Variants in SEMA4D observed in about 807,000 individuals in gnomAD.
SEMA4D encodes semaphorin 4D.
Under a neutral mutation model 74.8 loss-of-function variants are expected in SEMA4D, and 22 were observed. That is an observed-to-expected ratio of 0.29 (90% CI 0.21 to 0.42). The LOEUF (loss-of-function observed/expected upper bound fraction) is 0.42. Ranked by LOEUF, SEMA4D falls within the 10% of genes least tolerant of loss-of-function variation. The pLI is 1.00. For synonymous variants in SEMA4D, 445 were observed against 463.7 expected (o/e 0.96, Z 0.52); for missense variants, 937 against 1,118.4 (o/e 0.84, Z 2.31).
chr9:89,482,166 C>T (rs1345976904), intron 1 of SEMA4D, among the ~76,000 whole-genome samples: 2 of 152,208 alleles, frequency 1.3e-5, no homozygotes, highest in African/African-American at 2.4e-5. Context: ...GCGGTCAGAG[C>T]ACTTGCAATG....
chr9:89,370,155 G>C (rs967479064), intron 16 of SEMA4D, among the ~76,000 whole-genome samples: 1 of 151,422 alleles, frequency 6.6e-6, no homozygotes, highest in African/African-American at 2.4e-5. Context: ...TGTGCAGTGA[G>C]TATGCATGGT....
intron 1 of SEMA4D, among the ~76,000 whole-genome samples, chr9:89,464,274 AC>A (rs1408390287): frequency 5.9e-5 from 9 of 152,222 alleles, no homozygotes; most frequent in Non-Finnish European, 1.0e-4. Context: ...GAATTATTTC[AC>A]CAAGATGCTA....
At chr9:89,419,787 C>T (rs902508898) in intron 2 of SEMA4D, among the ~76,000 whole-genome samples, 7 of 151,812 alleles carry the variant, frequency 4.6e-5, no homozygotes, top group Non-Finnish European at 8.8e-5. Context: ...TGTGGTGGTG[C>T]GCACCTGTCA....
chr9:89,388,888 G>C lies in SEMA4D; in HGVS notation c.934C>G (p.Leu312Val). 1 of 1,614,172 alleles carries C rather than the reference G, an allele frequency of 6.2e-7. No homozygotes were observed. Among genetic ancestry groups the C allele is most frequent in the Non-Finnish European group, 8.5e-7 (1 of 1,180,032 alleles). ...PGLKVPVFYA[L>V]FTPQLNNVGL... ...GGCACTTACAGCTGTGGGGTGAAGA[G>C]TGCATAGAACACAGGCACCTTCAGG... is the stretch of plus-strand genomic sequence containing the variant. Residue 312 changes from leucine (L) to valine (V), a missense_variant, in exon 10 of 16, where the codon CTC (leucine) becomes GTC (valine). Physicochemically the swap from Leu to Val is conservative, Grantham distance 32. Transcript: ENST00000422704.
intron 2 of SEMA4D, among the ~76,000 whole-genome samples, chr9:89,420,250 C>T (rs1424200490): frequency 3.9e-5 from 6 of 152,162 alleles, no homozygotes; most frequent in African/African-American, 1.2e-4. Context: ...CCCCGCGTTG[C>T]CTTCACCCTA....
At chr9:89,408,751 G>C (rs527518265) in intron 2 of SEMA4D, among the ~76,000 whole-genome samples, 1 of 152,336 alleles carries the variant, frequency 6.6e-6, no homozygotes, top group East Asian at 1.9e-4. Flanking sequence ...CAGTGGCCTG[G>C]TCCATGTGCT....
chr9:89,362,310 G>A, exon 19 of SEMA4D: 2 of 1,608,450 alleles, frequency 1.2e-6, no homozygotes, highest in Non-Finnish European at 1.7e-6. Flanking sequence ...TCACAGTTGT[G>A]GGGGACCAGG....
At chr9:89,421,287 T>C (rs1479052191) in intron 2 of SEMA4D, among the ~76,000 whole-genome samples, 1 of 152,154 alleles carries the variant, frequency 6.6e-6, no homozygotes, top group East Asian at 1.9e-4. Context: ...TCTGCTGAAA[T>C]TGGCACTGCA....
chr9:89,462,664 G>A, intron 1 of SEMA4D, among the ~76,000 whole-genome samples: 1 of 152,150 alleles, frequency 6.6e-6, no homozygotes, highest in South Asian at 2.1e-4. Flanking sequence ...AGCTGTCCCA[G>A]CCAGATGCAG....
downstream of SEMA4D, among the ~76,000 whole-genome samples, chr9:89,375,115 C>T (rs149636294): frequency 9.5e-4 from 145 of 152,272 alleles, 2 homozygotes; most frequent in Non-Finnish European, 1.2e-3. Context: ...TGCATCTGCC[C>T]GCAAAGGAGC....
At chr9:89,375,619 T>TC (rs925124925), downstream of SEMA4D, among the ~76,000 whole-genome samples, 47 of 152,056 alleles carry the variant, frequency 3.1e-4, no homozygotes, top group Non-Finnish European at 6.2e-4. Context: ...ACTTCATCCC[T>TC]CCCCCGGGGC....
At chr9:89,461,408 T>C (rs1857166239) in intron 1 of SEMA4D, among the ~76,000 whole-genome samples, 1 of 152,014 alleles carries the variant, frequency 6.6e-6, no homozygotes, top group Non-Finnish European at 1.5e-5. Flanking sequence ...AGCACGTCAA[T>C]AGATAAAGCA....
chr9:89,410,547 C>G (rs2133906808), intron 2 of SEMA4D, among the ~76,000 whole-genome samples: 1 of 152,106 alleles, frequency 6.6e-6, no homozygotes, highest in Admixed American at 6.5e-5. Context: ...AAGAGGTTTC[C>G]TAGAAGTTAC....
At chr9:89,416,550 T>G (rs928425428) in intron 2 of SEMA4D, among the ~76,000 whole-genome samples, 3 of 151,964 alleles carry the variant, frequency 2.0e-5, no homozygotes, top group Admixed American at 6.6e-5. Flanking sequence ...CACAGGGACA[T>G]GCACAAACAC....
downstream of SEMA4D, chr9:89,376,870 G>A (rs375582435): frequency 5.1e-5 from 79 of 1,550,796 alleles, no homozygotes; most frequent in East Asian, 1.0e-3. Context: ...TCCCCAGGGC[G>A]TGCACGTGCT....
intron 2 of SEMA4D, among the ~76,000 whole-genome samples, chr9:89,435,358 A>G (rs1378349380): frequency 6.6e-6 from 1 of 152,242 alleles, no homozygotes; most frequent in Non-Finnish European, 1.5e-5. Context: ...GATTACAAGC[A>G]TCCCCATTCA....
intron 1 of SEMA4D, among the ~76,000 whole-genome samples, chr9:89,491,058 GC>G (rs1239676524): frequency 1.6e-5 from 2 of 123,800 alleles, no homozygotes; most frequent in East Asian, 2.7e-4. Context: ...AACTCAGTTA[GC>G]TGTGTTTGAA....
intron 2 of SEMA4D, among the ~76,000 whole-genome samples, chr9:89,442,460 T>C (rs1412284125): frequency 6.6e-6 from 1 of 151,318 alleles, no homozygotes; most frequent in Non-Finnish European, 1.5e-5. Context: ...AAGAAAACCA[T>C]GCAGCAGCAG....
chr9:89,440,842 G>A (rs1480113491), intron 2 of SEMA4D, among the ~76,000 whole-genome samples: 1 of 152,232 alleles, frequency 6.6e-6, no homozygotes, highest in Admixed American at 6.5e-5. Context: ...AACACACAGG[G>A]TGCCAAGAGA....
Sources: allele counts gnomAD v4.1 joint callset (sites outside exome capture counted in the v4.1 genomes callset), GRCh38; gene constraint gnomAD v4.1.1; transcripts MANE v1.5; gene names NCBI Gene and HGNC (gene_info 2026-07-23, HGNC 2026-07-21).